Variants in NEK1 observed in about 807,000 individuals in gnomAD.
NEK1 encodes serine/threonine-protein kinase Nek1.
A neutral mutation model predicts 182.1 loss-of-function variants in NEK1; 137 were observed. That is an observed-to-expected ratio of 0.75 (90% CI 0.65 to 0.87). The LOEUF is 0.87. NEK1 is among the 40% of genes least tolerant of loss of function. The pLI is 0.00. For synonymous variants in NEK1, 513 were observed against 492.2 expected (o/e 1.04, Z -0.56); for missense variants, 1,391 against 1,494.4 (o/e 0.93, Z 1.14).
Position 169,424,579 on chromosome 4 carries a change from CA to C in NEK1, c.3195del (p.Gly1066ValfsTer11). 6.2e-7 allele frequency: 1 copy of C among 1,607,560 alleles called. No homozygotes were observed. The highest frequency in any genetic ancestry group is 1.1e-5 in the South Asian group (1 of 90,340). ...TTTGGGTTGTTTGCATCAAACAGAC[CA>C]GTTGAAAGTCCAATCAGCAAGGAAT... Reference protein sequence around the residue: ...NKNSLLIGLSTGLFDANNPKM... With the variant: ...NKNSLLIGLSXGLFDANNPKM... On this transcript the variant is annotated frameshift_variant, in exon 31 of 36. Transcript: ENST00000507142. LOFTEE classifies it high-confidence loss of function.
At chr4:169,442,076 A>G (rs1350707201) in intron 27 of NEK1, among the ~76,000 whole-genome samples, 1 of 152,098 alleles carries the variant, frequency 6.6e-6, no homozygotes, top group East Asian at 1.9e-4. Context: ...GGACCCAGGG[A>G]CTAGCCCTGC....
At chr4:169,498,421 T>C (rs1470222450) in intron 23 of NEK1, among the ~76,000 whole-genome samples, 1 of 152,226 alleles carries the variant, frequency 6.6e-6, no homozygotes, top group African/African-American at 2.4e-5. Flanking sequence ...GTTAATATTG[T>C]TATGTGTGAA....
intron 19 of NEK1, among the ~76,000 whole-genome samples, chr4:169,534,494 T>C (rs1422887181): frequency 6.6e-6 from 1 of 152,154 alleles, no homozygotes; most frequent in African/African-American, 2.4e-5. Context: ...GTGCTCAAGA[T>C]CTAAAGAGGG....
intron 23 of NEK1, among the ~76,000 whole-genome samples, chr4:169,484,479 CA>C (rs1421048866): frequency 2.4e-4 from 36 of 151,828 alleles, no homozygotes; most frequent in African/African-American, 8.5e-4. Context: ...TAATGATATC[CA>C]AAATGAATTA....
intron 23 of NEK1, 130 bp downstream of exon 23, chr4:169,506,907 T>G (rs1580318099): frequency 2.0e-6 from 1 of 496,222 alleles, no homozygotes; most frequent in Non-Finnish European, 3.5e-6. Flanking sequence ...TGAGAAAGGG[T>G]GAGAGAGAGA....
chr4:169,414,203 A>G (rs1225534642), intron 31 of NEK1, among the ~76,000 whole-genome samples: 1 of 152,190 alleles, frequency 6.6e-6, no homozygotes, highest in Admixed American at 6.5e-5. Context: ...ATTGTGAACA[A>G]TGCAAGGCTG....
intron 5 of NEK1, among the ~76,000 whole-genome samples, chr4:169,597,941 AT>A (rs1769836896): frequency 6.6e-6 from 1 of 151,940 alleles, no homozygotes; most frequent in South Asian, 2.1e-4. Context: ...CTCAAAAAAA[AT>A]AATAAAAATA....
At chr4:169,600,892 T>C (rs770259705) in intron 4 of NEK1, among the ~76,000 whole-genome samples, 1 of 152,208 alleles carries the variant, frequency 6.6e-6, no homozygotes, top group Non-Finnish European at 1.5e-5. Context: ...ACACAGATGT[T>C]TCTATGTGAA....
At chr4:169,555,196 G>A (rs2149905563) in intron 18 of NEK1, 1 of 160,430 alleles carries the variant, frequency 6.2e-6, no homozygotes, top group South Asian at 1.8e-4. Context: ...CTCTGCTCAA[G>A]TACATATTAA....
chr4:169,478,410 G>C (rs1489155114), intron 24 of NEK1: 1 of 152,116 alleles, frequency 6.6e-6, no homozygotes, highest in Non-Finnish European at 1.5e-5. Flanking sequence ...CAGCTATTGA[G>C]ATGTGAGACT....
chr4:169,400,112 G>A, intron 35 of NEK1, 113 bp downstream of exon 35: 2 of 1,019,282 alleles, frequency 2.0e-6, no homozygotes, highest in South Asian at 2.8e-5. Flanking sequence ...AAGTTATATA[G>A]TTCCCAAGTA....
chr4:169,598,687 C>T (rs183179750), intron 5 of NEK1, among the ~76,000 whole-genome samples: 1 of 152,176 alleles, frequency 6.6e-6, no homozygotes, highest in Non-Finnish European at 1.5e-5. Flanking sequence ...TTTAGAGATC[C>T]TGGAAATCAA....
chr4:169,423,591 T>C (rs1318703528), intron 31 of NEK1, among the ~76,000 whole-genome samples: 2 of 152,210 alleles, frequency 1.3e-5, no homozygotes, highest in Non-Finnish European at 2.9e-5. Flanking sequence ...GGGTGGTATT[T>C]AACACACAGA....
At chr4:169,453,518 TA>T (rs1177641723) in intron 27 of NEK1, among the ~76,000 whole-genome samples, 2 of 152,186 alleles carry the variant, frequency 1.3e-5, no homozygotes, top group Non-Finnish European at 2.9e-5. Flanking sequence ...ATGATGGCCA[TA>T]ACGCCCATGC....
chr4:169,607,271 A>C (rs995744668), intron 2 of NEK1, among the ~76,000 whole-genome samples: 7 of 152,212 alleles, frequency 4.6e-5, no homozygotes. Context: ...CTAGTATCCC[A>C]TCAAAAAATA....
intron 2 of NEK1, among the ~76,000 whole-genome samples, chr4:169,609,230 T>C (rs759129819): frequency 6.6e-6 from 1 of 152,132 alleles, no homozygotes; most frequent in Non-Finnish European, 1.5e-5. Flanking sequence ...TGTGGGGGAA[T>C]AGCAGGAAAC....
intron 26 of NEK1, among the ~76,000 whole-genome samples, chr4:169,473,381 A>T (rs1032102050): frequency 6.6e-6 from 1 of 152,102 alleles, no homozygotes; most frequent in African/African-American, 2.4e-5. Flanking sequence ...GTGAGGGTTG[A>T]AAAATTATCT....
At chr4:169,498,648 T>C (rs570208313) in intron 23 of NEK1, among the ~76,000 whole-genome samples, 41 of 152,318 alleles carry the variant, frequency 2.7e-4, no homozygotes, top group African/African-American at 9.4e-4. Context: ...GTATTTTATT[T>C]CTCCTTCACT....
Position 169,538,516 on chromosome 4 carries a change from T to TA in NEK1, c.1563-606dup, listed in dbSNP as rs562450327. Reference sequence around the variant, plus strand: ...TTTCTCTGACAATTATGAAAGAATGTAAACATGCTGATCTTAGACTATAAA... The same window carrying TA: ...TTTCTCTGACAATTATGAAAGAATGTAAAACATGCTGATCTTAGACTATAAA... On this transcript the variant is annotated intron_variant, in intron 18 of 35. Coordinates refer to ENST00000507142, the MANE Select transcript of NEK1 (RefSeq NM_001199397.3). Among the ~76,000 whole-genome samples, 71 of 152,308 alleles carry TA rather than the reference T, an allele frequency of 4.7e-4. 1 individual carries two copies. In the South Asian group the frequency reaches 0.014, roughly 31 times the overall value.
Sources: allele counts gnomAD v4.1 joint callset (sites outside exome capture counted in the v4.1 genomes callset), GRCh38; gene constraint gnomAD v4.1.1; transcripts MANE v1.5; gene names NCBI Gene and HGNC (gene_info 2026-07-23, HGNC 2026-07-21).